Variants in CRISPLD1 observed in about 807,000 individuals in gnomAD.
CRISPLD1 encodes the protein cysteine rich secretory protein LCCL domain containing 1, also known as cysteine-rich secretory protein LCCL domain-containing 1.
Under a neutral mutation model 77.5 loss-of-function variants are expected in CRISPLD1, and 60 were observed. The ratio of observed to expected loss-of-function variants is 0.77; its 90% CI spans 0.63 to 0.96. The LOEUF is 0.96. Among genes scored for constraint, CRISPLD1 ranks in the 40% least tolerant of loss-of-function variants. The pLI, the probability that CRISPLD1 is intolerant of heterozygous loss-of-function variation, is 0.00. For synonymous variants in CRISPLD1, 195 were observed against 200.1 expected, an observed-to-expected ratio of 0.97 and a Z score of 0.22; for missense variants, 623 against 615.8, an observed-to-expected ratio of 1.01 and a Z score of -0.12.
intron 12 of CRISPLD1, among the ~76,000 whole-genome samples, chr8:75,022,516 A>T (rs1813153803): frequency 6.6e-6 from 1 of 150,610 alleles, no homozygotes; most frequent in African/African-American, 2.4e-5. Context: ...TGAACCCGGG[A>T]GGCCGAGCTT....
At position 75,017,395 on chromosome 8, in the gene CRISPLD1, C is replaced by G. The variant is rs769710930; in HGVS notation, c.1072C>G (p.Gln358Glu). The G allele has an allele frequency of 1.2e-6, 2 of 1,610,426 alleles. No individual in the cohort carries two copies. Among genetic ancestry groups the G allele is most frequent in the Admixed American group, 3.4e-5 (2 of 59,588 alleles). The stretch of plus-strand genomic sequence containing the variant: ...TGGTGGCTGGGTAGATATCACTAGA[C>G]AAGGAAGAAAGCATTATTTCATCAA... ...NDGGWVDITR[Q>E]GRKHYFIKSN... Residue 358 changes from glutamine (Q) to glutamate (E), a missense_variant, in exon 10 of 15, where the codon CAA becomes GAA. By Grantham distance (29) the Gln-to-Glu change is conservative. Transcript: ENST00000262207.
chr8:75,019,730 A>G (rs1026399217), intron 10 of CRISPLD1, 140 bp from the exon 11 acceptor site: 19 of 647,428 alleles, frequency 2.9e-5, no homozygotes, highest in Non-Finnish European at 4.6e-5. Context: ...CTGATGATGT[A>G]TTCTTATATT....
At chr8:75,002,826 A>G (rs562956844) in intron 2 of CRISPLD1, among the ~76,000 whole-genome samples, 12 of 152,330 alleles carry the variant, frequency 7.9e-5, no homozygotes, top group African/African-American at 2.9e-4. Context: ...AGAACTTGGC[A>G]GGAAGGTGCT....
At position 75,012,517 on chromosome 8, in the gene CRISPLD1, T is replaced by A. The variant is rs953612161; in HGVS notation, c.343T>A (p.Ser115Thr). 6.2e-7 allele frequency: 1 copy of A among 1,612,374 alleles called. No homozygotes were observed. The highest frequency in any genetic ancestry group is 1.3e-5 in the African/African-American group (1 of 74,838). Reference sequence around the variant, plus strand: ...ACATGGACCTGCAAGCTTGCTTCCATCAATTGGACAGAATTTGGGAGCACA... The same window carrying A: ...ACATGGACCTGCAAGCTTGCTTCCAACAATTGGACAGAATTTGGGAGCACA... ...WEHGPASLLP[S>T]IGQNLGAHWG... The change falls in exon 3 of 15, where the codon TCA becomes ACA. Residue 115 changes from serine (S) to threonine (T), a missense_variant. Coordinates refer to ENST00000262207, the MANE Select transcript of CRISPLD1 (RefSeq NM_031461.6).
chr8:74,986,656 A>G (rs932673456), intron 2 of CRISPLD1, among the ~76,000 whole-genome samples: 5 of 152,208 alleles, frequency 3.3e-5, no homozygotes, highest in Non-Finnish European at 1.5e-5. Context: ...TTGCTGAAAT[A>G]TATTGTTCCT....
chr8:74,991,137 T>G (rs1812567406), intron 2 of CRISPLD1, among the ~76,000 whole-genome samples: 1 of 151,986 alleles, frequency 6.6e-6, no homozygotes, highest in Admixed American at 6.6e-5. Flanking sequence ...AGATTACAGG[T>G]GCGCACCACC....
intron 10 of CRISPLD1, 34 bp from the exon 11 acceptor site, chr8:75,019,836 A>C: frequency 6.4e-7 from 1 of 1,571,406 alleles, no homozygotes; most frequent in Non-Finnish European, 8.7e-7. Flanking sequence ...TGCCTATATG[A>C]AAATAATTAA....
chr8:75,020,256 A>G (rs1813109943), intron 12 of CRISPLD1, among the ~76,000 whole-genome samples, 177 bp downstream of exon 12: 1 of 152,240 alleles, frequency 6.6e-6, no homozygotes, highest in Admixed American at 6.5e-5. Context: ...TCAAAATGCA[A>G]AAGTATTCTC....
rs947042826 is a variant in CRISPLD1, at chr8:75,033,775, A to G, written c.*1533A>G. 5.3e-5 allele frequency: 8 copies of G among 152,058 alleles called. No individual in the cohort carries two copies. Among genetic ancestry groups the G allele is most frequent in the African/African-American group, 1.9e-4 (8 of 41,440 alleles). The allele number at this position is 152,058 out of a possible 1,614,324, so 9.4% of individuals were successfully genotyped here. A position where few individuals can be genotyped will look rare whatever the true frequency, so the allele number is the denominator to read the frequency against. ...TAAAGACATCAACATTTTTGATCAT[A>G]TAATAAGTACTGGCTTACAGCTAAG... On this transcript the variant is annotated 3_prime_UTR_variant, in exon 15 of 15. Coordinates refer to ENST00000262207, the MANE Select transcript of CRISPLD1 (RefSeq NM_031461.6).
intron 4 of CRISPLD1, 116 bp from the exon 5 acceptor site, chr8:75,013,871 T>C (rs1322984825): frequency 1.4e-6 from 1 of 692,678 alleles, no homozygotes; most frequent in Non-Finnish European, 2.6e-6. Flanking sequence ...TCTCAGTTCA[T>C]TTTGAATGAT....
chr8:75,009,377 A>AGT (rs1056108747), intron 2 of CRISPLD1, among the ~76,000 whole-genome samples: 1 of 152,152 alleles, frequency 6.6e-6, no homozygotes, highest in African/African-American at 2.4e-5. Context: ...TAGCTACCGA[A>AGT]GTCTCCCAGC....
chr8:75,027,784 T>C (rs1038266795), intron 13 of CRISPLD1, among the ~76,000 whole-genome samples: 1 of 152,208 alleles, frequency 6.6e-6, no homozygotes, highest in Non-Finnish European at 1.5e-5. Context: ...TTCCTTCCAT[T>C]TATAGAGCTA....
chr8:75,010,193 A>G (rs1812904432), intron 2 of CRISPLD1, among the ~76,000 whole-genome samples: 1 of 152,154 alleles, frequency 6.6e-6, no homozygotes, highest in Non-Finnish European at 1.5e-5. Context: ...AATTTTGTAT[A>G]AATTTCCCTT....
At chr8:74,992,081 T>C (rs188600528) in intron 2 of CRISPLD1, among the ~76,000 whole-genome samples, 28 of 152,328 alleles carry the variant, frequency 1.8e-4, no homozygotes, top group Admixed American at 1.6e-3. Flanking sequence ...AAACATTCAT[T>C]GATTGAATAT....
rs1161820804 is a variant in CRISPLD1 at position 75,013,029 on chromosome 8, T to C, written c.510+7T>C. 3.8e-6 allele frequency: 6 copies of C among 1,564,100 alleles called. No homozygotes were observed. The highest frequency in any genetic ancestry group is 5.2e-6 in the Non-Finnish European group (6 of 1,149,698). On this transcript the variant is annotated splice_region_variant and intron_variant, in intron 4 of 14. Coordinates refer to ENST00000262207, the MANE Select transcript of CRISPLD1 (RefSeq NM_031461.6). ...ATGTACACATTATACACAGGTATGTTTGGGGGGTATTATACTTAATTCCCC... is the reference window on the plus strand; with the variant it reads ...ATGTACACATTATACACAGGTATGTCTGGGGGGTATTATACTTAATTCCCC...
At chr8:74,985,165 A>C (rs1453611588) in intron 1 of CRISPLD1, among the ~76,000 whole-genome samples, 2 of 152,098 alleles carry the variant, frequency 1.3e-5, no homozygotes, top group African/African-American at 4.8e-5. Context: ...TTGAGTTCAG[A>C]GAAAGAACAG....
intron 10 of CRISPLD1, among the ~76,000 whole-genome samples, chr8:75,018,314 G>A (rs939767248): frequency 7.3e-6 from 1 of 137,652 alleles, no homozygotes; most frequent in Admixed American, 7.1e-5. Context: ...TTGTCACCCA[G>A]ACTGGAGTGC....
In CRISPLD1 at chr8:74,986,101, A is replaced by G. The variant is rs765806338; in HGVS notation, c.114A>G (p.Lys38=). ...NATLLEKLLE[K]YMDEDGEWWI... is the part of the protein sequence containing the mutation. The stretch of plus-strand genomic sequence containing the variant: ...CTTTATTGGAGAAACTTTTGGAAAA[A>G]TACATGGATGAGGATGGTGAGTGGT... Residue 38 remains lysine, a synonymous_variant, in exon 2 of 15, where the codon AAA becomes AAG. Transcript: ENST00000262207. 1 of 1,614,152 alleles carries G rather than the reference A, an allele frequency of 6.2e-7. No individual in the cohort carries two copies. Among genetic ancestry groups the G allele is most frequent in the East Asian group, 2.2e-5 (1 of 44,878 alleles).
chr8:75,007,186 A>G (rs1349896710), intron 2 of CRISPLD1, among the ~76,000 whole-genome samples: 1 of 152,178 alleles, frequency 6.6e-6, no homozygotes, highest in Non-Finnish European at 1.5e-5. Flanking sequence ...ATGAATTTTC[A>G]TATTATGTAA....
Sources: allele counts gnomAD v4.1 joint callset (sites outside exome capture counted in the v4.1 genomes callset), GRCh38; gene constraint gnomAD v4.1.1; transcripts MANE v1.5; gene names NCBI Gene and HGNC (gene_info 2026-07-23, HGNC 2026-07-21).